TATDN2: variants seen among roughly 807,000 people sequenced by gnomAD.
TATDN2 encodes 3'-5' RNA nuclease TATDN2.
A neutral mutation model predicts 60.3 loss-of-function variants in TATDN2; 44 were observed. The ratio of observed to expected loss-of-function variants is 0.73; its 90% CI spans 0.57 to 0.94. TATDN2 has a LOEUF of 0.94. Ranked by LOEUF, TATDN2 falls within the 40% of genes least tolerant of loss-of-function variation. The pLI is 0.00. For synonymous variants in TATDN2, 399 were observed against 355.8 expected (o/e 1.12, Z -1.37); for missense variants, 997 against 948.0 (o/e 1.05, Z -0.68).
In TATDN2 at chr3:10,254,213, C is replaced by T. The variant is rs182200153; in HGVS notation, c.414+4599C>T. On this transcript the variant is annotated intron_variant, in intron 2 of 7. Coordinates refer to ENST00000448281, the MANE Select transcript of TATDN2 (RefSeq NM_014760.4). ...TCACAGACTGAGAAGTCACTCACCA[C>T]GGGGCAGTGAGTGGAGAGCTGTAAC... Among the ~76,000 whole-genome samples the T allele has an allele frequency of 1.1e-4, 16 of 152,246 alleles. No individual in the cohort carries two copies. The East Asian group carries it at 1.3e-3, about 13-fold the overall frequency.
intron 5 of TATDN2, among the ~76,000 whole-genome samples, chr3:10,277,095 T>C (rs71314395): frequency 0.028 from 4,206 of 152,232 alleles, 82 homozygotes; most frequent in Admixed American, 0.058. Context: ...GCAGTGAGGA[T>C]TGCTGATCTT....
chr3:10,274,050 T>C (rs1194335223), intron 4 of TATDN2, among the ~76,000 whole-genome samples: 2 of 152,204 alleles, frequency 1.3e-5, no homozygotes, highest in Admixed American at 6.5e-5. Flanking sequence ...CTGGAAATAA[T>C]GGATCAGTTA....
At chr3:10,260,899 G>C in intron 3 of TATDN2, among the ~76,000 whole-genome samples, 1 of 150,950 alleles carries the variant, frequency 6.6e-6, no homozygotes, top group Non-Finnish European at 1.5e-5. Context: ...TATATGTTAG[G>C]ATATGGGTTT....
chr3:10,254,204 C>A (rs1484078857), intron 2 of TATDN2, among the ~76,000 whole-genome samples: 1 of 152,170 alleles, frequency 6.6e-6, no homozygotes, highest in African/African-American at 2.4e-5. Context: ...ACTGAGAAGT[C>A]ACTCACCACG....
Position 10,270,122 on chromosome 3 carries a change from T to C in TATDN2, c.949-9T>C. On this transcript the variant is annotated splice_polypyrimidine_tract_variant and intron_variant, in intron 3 of 7. Coordinates refer to ENST00000448281, the MANE Select transcript of TATDN2 (RefSeq NM_014760.4). ...GCTAACCCACTGTTGTATGCCTTCT[T>C]TTCTGCAGCATAAAGATAGGGAGGT... 1 of 1,604,040 alleles carries C rather than the reference T, an allele frequency of 6.2e-7. No individual in the cohort carries two copies. Among genetic ancestry groups the C allele is most frequent in the African/African-American group, 1.3e-5 (1 of 74,820 alleles).
At chr3:10,252,005 G>A (rs141765071) in intron 2 of TATDN2, among the ~76,000 whole-genome samples, 2,956 of 151,754 alleles carry the variant, frequency 0.019, 86 homozygotes, top group African/African-American at 0.068. Flanking sequence ...AAAGTTAGCC[G>A]GGCATGGTGG....
chr3:10,251,396 C>T (rs1445934069), intron 2 of TATDN2, among the ~76,000 whole-genome samples: 1 of 152,006 alleles, frequency 6.6e-6, no homozygotes, highest in African/African-American at 2.4e-5. Flanking sequence ...ATTGTATTCT[C>T]TTTTTTTGAG....
At chr3:10,266,176 G>A (rs926855307) in intron 3 of TATDN2, among the ~76,000 whole-genome samples, 7 of 152,236 alleles carry the variant, frequency 4.6e-5, no homozygotes, top group African/African-American at 1.7e-4. Context: ...CTTTAGAAGG[G>A]TTTTTGGGTG....
chr3:10,271,129 C>G, intron 4 of TATDN2, 114 bp downstream of exon 4: 1 of 1,367,542 alleles, frequency 7.3e-7, no homozygotes, highest in Non-Finnish European at 9.7e-7. Context: ...TCCCTGAAAA[C>G]GCAGTGTGCT....
intron 5 of TATDN2, among the ~76,000 whole-genome samples, chr3:10,277,767 G>A (rs1171646697): frequency 6.6e-6 from 1 of 152,166 alleles, no homozygotes; most frequent in Admixed American, 6.5e-5. Context: ...ACCCAACGAG[G>A]TGGTATTGCA....
chr3:10,278,743 C>T lies in TATDN2; in HGVS notation c.2146-142C>T, dbSNP rs532189597. The T allele has an allele frequency of 7.3e-4, 948 of 1,305,062 alleles. 1 individual carries two copies. The highest frequency in any genetic ancestry group is 9.5e-4 in the Non-Finnish European group (885 of 929,758). 80.8% of individuals were successfully genotyped at this position (1,305,062 alleles called of 1,614,324 possible). On this transcript the variant is annotated intron_variant, in intron 6 of 7. Coordinates refer to ENST00000448281, the MANE Select transcript of TATDN2 (RefSeq NM_014760.4). This position sits in a 1 kb window ranked among gnomAD's most constrained non-coding sequence, Gnocchi z 4.7. ...TCACCCAGAGCCCCCATGACTAGGA[C>T]TCTCCCTGCACCTGCAGGTAAAGGG...
chr3:10,265,044 GT>G (rs747922225), intron 3 of TATDN2, among the ~76,000 whole-genome samples: 164 of 109,746 alleles, frequency 1.5e-3, no homozygotes, highest in African/African-American at 2.6e-3. Flanking sequence ...CCTGTGCGTG[GT>G]TTTTTTTTTT....
At chr3:10,253,042 A>G (rs1285702157) in intron 2 of TATDN2, among the ~76,000 whole-genome samples, 3 of 151,954 alleles carry the variant, frequency 2.0e-5, no homozygotes, top group African/African-American at 7.3e-5. Flanking sequence ...TATTTTTAGT[A>G]GAGATGGGGT....
In TATDN2 at chr3:10,278,586, AG is replaced by A; in HGVS notation, c.2145+125del. The A allele has an allele frequency of 7.6e-7, 1 of 1,320,990 alleles. No homozygotes were observed. Among genetic ancestry groups the A allele is most frequent in the East Asian group, 2.3e-5 (1 of 43,416 alleles). 81.8% of individuals were successfully genotyped at this position (1,320,990 alleles called of 1,614,324 possible). Reference sequence around the variant, plus strand: ...TTCCAGGTCCCATCCTGGGCTGTGTAGATGCCTCCTTGCTGTTACTCTGCAG... The same window carrying A: ...TTCCAGGTCCCATCCTGGGCTGTGTAATGCCTCCTTGCTGTTACTCTGCAG... On this transcript the variant is annotated intron_variant, in intron 6 of 7. Transcript: ENST00000448281. This position sits in a 1 kb window ranked among gnomAD's most constrained non-coding sequence, Gnocchi z 4.7.
At chr3:10,263,423 CCTT>C (rs1698435382) in intron 3 of TATDN2, among the ~76,000 whole-genome samples, 1 of 151,850 alleles carries the variant, frequency 6.6e-6, no homozygotes. Context: ...AGCTTCTCTA[CCTT>C]CTTTCTCTTA....
In TATDN2 at chr3:10,252,274, A is replaced by G. The variant is rs181580436; in HGVS notation, c.414+2660A>G. On this transcript the variant is annotated intron_variant, in intron 2 of 7. Transcript: ENST00000448281. The stretch of plus-strand genomic sequence containing the variant: ...CTTGTCCTCCCAAAGCGCTGGGATT[A>G]GAGGCATGAGCCACTGTGCCAGCTG... Among the ~76,000 whole-genome samples, 49 of 150,912 alleles carry G rather than the reference A, an allele frequency of 3.2e-4. No individual in the cohort carries two copies. In the East Asian group the frequency reaches 7.1e-3, roughly 22 times the overall value.
chr3:10,275,805 G>A (rs3774203), intron 4 of TATDN2, among the ~76,000 whole-genome samples: 30,515 of 152,042 alleles, frequency 0.2, 4,276 homozygotes, highest in East Asian at 0.66. Context: ...AATAAGTGTA[G>A]TATTTGTTTC....
At chr3:10,258,533 C>A (rs182938143) in intron 2 of TATDN2, among the ~76,000 whole-genome samples, 1 of 151,458 alleles carries the variant, frequency 6.6e-6, no homozygotes, top group South Asian at 2.1e-4. Context: ...GGCAGTGGCA[C>A]GATCTTGCCT....
chr3:10,250,223 A>G (rs1280480316), intron 2 of TATDN2, among the ~76,000 whole-genome samples: 1 of 148,052 alleles, frequency 6.8e-6, no homozygotes, highest in African/African-American at 2.6e-5. Flanking sequence ...CCCTAATGGA[A>G]ACATGCAAGA....
Sources: allele counts gnomAD v4.1 joint callset (sites outside exome capture counted in the v4.1 genomes callset), GRCh38; gene constraint gnomAD v4.1.1; non-coding constraint Gnocchi (gnomAD v3.1); transcripts MANE v1.5; gene names NCBI Gene and HGNC (gene_info 2026-07-23, HGNC 2026-07-21).